The following RASSF5 variants were observed in gnomAD, a reference collection of about 807,000 sequenced individuals.
RASSF5 encodes the protein Ras association domain family member 5, also known as ras association domain-containing protein 5.
A neutral mutation model predicts 40.5 loss-of-function variants in RASSF5; 25 were observed. The ratio of observed to expected loss-of-function variants is 0.62; its 90% CI spans 0.45 to 0.86. The LOEUF is 0.86. Ranked by LOEUF, RASSF5 falls within the 40% of genes least tolerant of loss-of-function variation. The pLI, the probability that RASSF5 is intolerant of heterozygous loss-of-function variation, is 0.00. For missense variants in RASSF5, 521 were observed against 572.8 expected, an observed-to-expected ratio of 0.91 and a Z score of 0.92; for synonymous variants, 246 against 252.4, an observed-to-expected ratio of 0.97 and a Z score of 0.24.
At chr1:206,567,286 T>C (rs1329349978) in intron 2 of RASSF5, among the ~76,000 whole-genome samples, 3 of 151,992 alleles carry the variant, frequency 2.0e-5, no homozygotes, top group Admixed American at 2.0e-4. Context: ...GGCAGAGGGG[T>C]CCATGGGAGG....
Position 206,527,974 on chromosome 1 carries a change from A to C in RASSF5, c.458-10198A>C, listed in dbSNP as rs188698336. Among the ~76,000 whole-genome samples the C allele has an allele frequency of 3.9e-5, 6 of 152,320 alleles. No individual in the cohort carries two copies. In the East Asian group the frequency reaches 1.2e-3, roughly 29 times the overall value. On this transcript the variant is annotated intron_variant, in intron 1 of 5. Transcript: ENST00000579436. ...TATCTCTTCAAGTCTCAATTTCCCT[A>C]TCTCTAAAATAGGAGTAGATCCAAT...
chr1:206,541,396 G>A (rs1423443044), intron 2 of RASSF5, among the ~76,000 whole-genome samples: 1 of 152,122 alleles, frequency 6.6e-6, no homozygotes, highest in African/African-American at 2.4e-5. Context: ...CCATGCCACA[G>A]GGAGGCAGCT....
At chr1:206,551,427 G>A (rs1163975731) in intron 2 of RASSF5, among the ~76,000 whole-genome samples, 1 of 152,112 alleles carries the variant, frequency 6.6e-6, no homozygotes, top group African/African-American at 2.4e-5. Flanking sequence ...GTCCCATCTG[G>A]GACAGCTTTC....
rs1553398003 is a variant in RASSF5 at position 206,531,940 on chromosome 1, T to G, written c.458-6232T>G. Among the ~76,000 whole-genome samples, 1 of 151,642 alleles carries G rather than the reference T, an allele frequency of 6.6e-6. No individual in the cohort carries two copies. Among genetic ancestry groups the G allele is most frequent in the East Asian group, 1.9e-4 (1 of 5,154 alleles). ...GGTGGCGGGTGCCTGTAATGCCAGC[T>G]GCTTGGGAGGCTGAGGCAGGAGAAT... On this transcript the variant is annotated intron_variant, in intron 1 of 5. Transcript: ENST00000579436. This position sits in a 1 kb window ranked among gnomAD's most constrained non-coding sequence, Gnocchi z 4.7.
chr1:206,578,623 T>TTCAC (rs1668748911), intron 2 of RASSF5, among the ~76,000 whole-genome samples: 1 of 151,938 alleles, frequency 6.6e-6, no homozygotes, highest in Non-Finnish European at 1.5e-5. Flanking sequence ...TTAGCAAAAA[T>TTCAC]TAGGTTTGTG....
chr1:206,528,257 G>C (rs1183245603), intron 1 of RASSF5, among the ~76,000 whole-genome samples: 1 of 151,974 alleles, frequency 6.6e-6, no homozygotes, highest in East Asian at 1.9e-4. Context: ...AAAAAAGACA[G>C]GGAGATAATA....
At chr1:206,567,452 G>A (rs1482505507) in intron 2 of RASSF5, among the ~76,000 whole-genome samples, 1 of 152,158 alleles carries the variant, frequency 6.6e-6, no homozygotes, top group East Asian at 1.9e-4. Context: ...CAGTGCCATT[G>A]GTCTGGGCAC....
intron 4 of RASSF5, 48 bp from the exon 5 acceptor site, chr1:206,585,132 G>A (rs370977944): frequency 6.2e-6 from 9 of 1,442,798 alleles, no homozygotes; most frequent in South Asian, 2.3e-5. Context: ...CCTGGGCCCC[G>A]CCCTTCTTTT....
chr1:206,507,746 G>GC lies in RASSF5; in HGVS notation c.148dup (p.Leu50ProfsTer89), dbSNP rs1264878948. On this transcript the variant is annotated frameshift_variant, in exon 1 of 6. Transcript: ENST00000579436. LOFTEE classifies it high-confidence loss of function. Reference sequence around the variant, plus strand: ...GGTCCTCGCGCCTCTGTGTCCCGGCGCCCCTCTCCACTGCGCCCGGGGCGC... The same window carrying GC: ...GGTCCTCGCGCCTCTGTGTCCCGGCGCCCCCTCTCCACTGCGCCCGGGGCGC... 15 of 1,466,290 alleles carry GC rather than the reference G, an allele frequency of 1.0e-5. No individual in the cohort carries two copies. Among genetic ancestry groups the GC allele is most frequent in the South Asian group, 2.6e-5 (2 of 76,396 alleles). The allele number at this position is 1,466,290 out of a possible 1,614,324, so 90.8% of individuals were successfully genotyped here.
At position 206,507,736 on chromosome 1, in the gene RASSF5, G is replaced by T. The variant is rs577132400; in HGVS notation, c.134G>T (p.Cys45Phe). ...PPPPDRSSRL[C>F]VPAPLSTAPG... ...CCCCCCGACCGGTCCTCGCGCCTCT[G>T]TGTCCCGGCGCCCCTCTCCACTGCG... is the stretch of plus-strand genomic sequence containing the variant. The change falls in exon 1 of 6, where the codon TGT (cysteine) becomes TTT (phenylalanine). Residue 45 changes from cysteine (C) to phenylalanine (F), a missense_variant. Coordinates refer to ENST00000579436, the MANE Select transcript of RASSF5 (RefSeq NM_182663.4). 38 of 1,475,936 alleles carry T rather than the reference G, an allele frequency of 2.6e-5. No individual in the cohort carries two copies. The African/African-American group carries it at 4.7e-4, about 18-fold the overall frequency. 91.4% of individuals were successfully genotyped at this position (1,475,936 alleles called of 1,614,324 possible). A position where few individuals can be genotyped will look rare whatever the true frequency, so the allele number is the denominator to read the frequency against.
chr1:206,521,486 C>T (rs1047515601), intron 1 of RASSF5, among the ~76,000 whole-genome samples: 85 of 152,328 alleles, frequency 5.6e-4, no homozygotes, highest in African/African-American at 2.0e-3. Flanking sequence ...ACTGGGCATA[C>T]CTGCGGTGCA....
chr1:206,547,124 T>A (rs1175405465), intron 2 of RASSF5, among the ~76,000 whole-genome samples: 12 of 152,120 alleles, frequency 7.9e-5, no homozygotes, highest in Admixed American at 2.0e-4. Flanking sequence ...CCAAAAAAAA[T>A]TTTAAAAAAG....
chr1:206,557,324 C>G, intron 2 of RASSF5: 1 of 1,273,172 alleles, frequency 7.9e-7, no homozygotes, highest in East Asian at 3.5e-5. Flanking sequence ...GCCCGGGGCT[C>G]TGCAGGCGCA....
At chr1:206,522,636 T>G (rs1318360168) in intron 1 of RASSF5, among the ~76,000 whole-genome samples, 2 of 152,290 alleles carry the variant, frequency 1.3e-5, no homozygotes, top group East Asian at 3.9e-4. Context: ...TGCTCTGTGA[T>G]GTGCACTGAG....
intron 1 of RASSF5, among the ~76,000 whole-genome samples, chr1:206,523,517 A>G (rs1358849659): frequency 2.0e-5 from 2 of 99,204 alleles, no homozygotes; most frequent in East Asian, 5.0e-4. Flanking sequence ...TATATTATAT[A>G]TTATATATTT....
At chr1:206,585,110 C>A in intron 4 of RASSF5, 70 bp from the exon 5 acceptor site, 1 of 1,184,706 alleles carries the variant, frequency 8.4e-7, no homozygotes. Flanking sequence ...ATTTCCAATC[C>A]TTTCCCGCAA....
Position 206,584,446 on chromosome 1 carries a change from G to A in RASSF5, c.750G>A (p.Val250=), listed in dbSNP as rs374252525. ...IKVHLKLRRP[V]TVPAGIRPQS... is the part of the protein sequence containing the mutation. The stretch of plus-strand genomic sequence containing the variant: ...TGCATCTGAAACTCCGGCGGCCTGT[G>A]ACGGTGCCTGCTGGGATCCGGCCCC... The change falls in exon 4 of 6, where the codon GTG becomes GTA. Residue 250 remains valine, a synonymous_variant. Coordinates refer to ENST00000579436, the MANE Select transcript of RASSF5 (RefSeq NM_182663.4). This position sits in a 1 kb window ranked among gnomAD's most constrained non-coding sequence, Gnocchi z 4.9. 2.7e-5 allele frequency: 43 copies of A among 1,614,038 alleles called. No individual in the cohort carries two copies. Among genetic ancestry groups the A allele is most frequent in the African/African-American group, 8.0e-5 (6 of 74,924 alleles).
intron 5 of RASSF5, 30 bp from the exon 6 acceptor site, chr1:206,586,795 TC>T (rs782078857): frequency 1.3e-6 from 2 of 1,580,174 alleles, no homozygotes; most frequent in Admixed American, 3.4e-5. Flanking sequence ...CTATTCTGTT[TC>T]TTCCCACAAA....
rs895994005 is a variant in RASSF5, at chr1:206,507,562, G to T, written c.-41G>T. 4 of 1,433,538 alleles carry T rather than the reference G, an allele frequency of 2.8e-6. No homozygotes were observed. The highest frequency in any genetic ancestry group is 3.7e-6 in the Non-Finnish European group (4 of 1,093,874). The allele number at this position is 1,433,538 out of a possible 1,614,324, so 88.8% of individuals were successfully genotyped here. A position where few individuals can be genotyped will look rare whatever the true frequency, so the allele number is the denominator to read the frequency against. On this transcript the variant is annotated 5_prime_UTR_variant, in exon 1 of 6. Coordinates refer to ENST00000579436, the MANE Select transcript of RASSF5 (RefSeq NM_182663.4). ...GGGCTGGCTCGGGAGTAGCGCAGTC[G>T]CCAAAGCCGCCGCTGCCAAAGCTGC...
Sources: allele counts gnomAD v4.1 joint callset (sites outside exome capture counted in the v4.1 genomes callset), GRCh38; gene constraint gnomAD v4.1.1; non-coding constraint Gnocchi (gnomAD v3.1); transcripts MANE v1.5; gene names NCBI Gene and HGNC (gene_info 2026-07-23, HGNC 2026-07-21).